The following DNAH5 variants were observed in gnomAD, a reference collection of about 807,000 sequenced individuals.
The protein encoded by DNAH5 is axonemal beta dynein heavy chain 5.
In DNAH5, 372 loss-of-function variants were observed where a neutral mutation model predicts 518.2. The ratio of observed to expected loss-of-function variants is 0.72; its 90% CI spans 0.66 to 0.78. The LOEUF (loss-of-function observed/expected upper bound fraction) is 0.78. Among genes scored for constraint, DNAH5 ranks in the 30% least tolerant of loss-of-function variants. DNAH5 has a pLI of 0.00. For synonymous variants in DNAH5, 2,039 were observed against 2,025.9 expected, an observed-to-expected ratio of 1.01 and a Z score of -0.17; for missense variants, 5,523 against 5,687.0, an observed-to-expected ratio of 0.97 and a Z score of 0.93.
chr5:13,768,391 C>T (rs1454838997), intron 58 of DNAH5, among the ~76,000 whole-genome samples: 1 of 152,184 alleles, frequency 6.6e-6, no homozygotes, highest in Non-Finnish European at 1.5e-5. Context: ...CCCAGCCATG[C>T]GGAACTCTGA....
chr5:13,822,526 CAGG>C (rs1450078439), intron 40 of DNAH5, among the ~76,000 whole-genome samples: 1 of 151,762 alleles, frequency 6.6e-6, no homozygotes, highest in Non-Finnish European at 1.5e-5. Context: ...GCAGGGATTA[CAGG>C]CATGAGCCAC....
intron 62 of DNAH5, among the ~76,000 whole-genome samples, chr5:13,754,002 C>T (rs1750630186): frequency 2.0e-5 from 3 of 151,474 alleles, no homozygotes; most frequent in Admixed American, 1.3e-4. Context: ...GCTGGAGGCA[C>T]ACACACACAC....
intron 17 of DNAH5, among the ~76,000 whole-genome samples, chr5:13,887,466 C>A (rs750240524): frequency 6.6e-6 from 1 of 152,136 alleles, no homozygotes; most frequent in African/African-American, 2.4e-5. Context: ...ATGAAAGATG[C>A]TGCCTCCACT....
rs538756794 is a variant in DNAH5 at position 13,766,178 on chromosome 5, G to A, written c.9899C>T (p.Thr3300Ile). ...ALEEAEAALQ[T>I]IRPSDIATVR... ...AGTGGCGATGTCCGAAGGCCTGATG[G>A]TCTGGGGGATGAAAGGAACGATCAC... Residue 3300 changes from threonine to isoleucine, a missense_variant and splice_region_variant, in exon 59 of 79, where the codon ACC (threonine) becomes ATC (isoleucine). By Grantham distance (89) the Thr-to-Ile change is moderately conservative. Coordinates refer to ENST00000265104, the MANE Select transcript of DNAH5 (RefSeq NM_001369.3). 43 of 1,614,184 alleles carry A rather than the reference G, an allele frequency of 2.7e-5. No individual in the cohort carries two copies. The South Asian group carries it at 4.5e-4, about 17-fold the overall frequency.
intron 45 of DNAH5, 129 bp downstream of exon 45, chr5:13,809,930 C>T (rs1189651986): frequency 2.4e-5 from 23 of 963,702 alleles, no homozygotes; most frequent in Admixed American, 1.0e-4. Flanking sequence ...TCTTCACACA[C>T]GAACGTTTTC....
At chr5:13,705,055 G>A (rs1232942998) in intron 76 of DNAH5, among the ~76,000 whole-genome samples, 1 of 151,662 alleles carries the variant, frequency 6.6e-6, no homozygotes, top group Non-Finnish European at 1.5e-5. Context: ...GCAGTGGTGC[G>A]ACCTTGGCTC....
At chr5:13,824,445 T>G (rs931542511) in intron 38 of DNAH5, 112 bp from the exon 39 acceptor site, 24 of 1,059,868 alleles carry the variant, frequency 2.3e-5, no homozygotes, top group Admixed American at 5.6e-5. Flanking sequence ...TGATTTTCCT[T>G]CAGAAAATGC....
At chr5:13,839,312 G>T (rs200080299) in intron 35 of DNAH5, 44 bp downstream of exon 35, 1 of 1,590,744 alleles carries the variant, frequency 6.3e-7, no homozygotes, top group South Asian at 1.1e-5. Context: ...TGAGCAACTC[G>T]AGAGAATAAA....
At chr5:13,759,122 T>A in intron 60 of DNAH5, 139 bp from the exon 61 acceptor site, 3 of 1,148,448 alleles carry the variant, frequency 2.6e-6, no homozygotes, top group Non-Finnish European at 3.9e-6. Context: ...CAAATCACAT[T>A]AAGTCCTGAA....
Position 13,829,547 on chromosome 5 carries a change from G to A in DNAH5, c.6407C>T (p.Thr2136Met), listed in dbSNP as rs140690090. The change falls in exon 38 of 79, where the codon ACG becomes ATG. Residue 2136 changes from threonine (T) to methionine (M), a missense_variant. Thr to Met is a moderately conservative substitution (Grantham distance 81, BLOSUM62 -1). Transcript: ENST00000265104. ...CTGCTCCTCACACAGTTTGTAGAGC[G>A]TGAAAAACTTCCTGGCCAAAACAAC... ...DNVVLARKFF[T>M]LYKLCEEQLS... The A allele has an allele frequency of 9.9e-5, 160 of 1,614,042 alleles. No individual in the cohort carries two copies. Among genetic ancestry groups the A allele is most frequent in the Middle Eastern group, 4.9e-4 (3 of 6,084 alleles).
intron 9 of DNAH5, 26 bp downstream of exon 9, chr5:13,916,322 A>C (rs1196737295): frequency 8.1e-7 from 1 of 1,240,108 alleles, no homozygotes; most frequent in South Asian, 1.2e-5. Flanking sequence ...ATACAAATGA[A>C]CATGGACTCT....
At chr5:13,975,972 T>C (rs1369620081) in intron 1 of DNAH5, among the ~76,000 whole-genome samples, 2 of 152,282 alleles carry the variant, frequency 1.3e-5, no homozygotes, top group East Asian at 3.9e-4. Context: ...GGAGTTCAAG[T>C]CTGCATTAAT....
At chr5:13,915,212 G>T (rs1173872517) in intron 9 of DNAH5, among the ~76,000 whole-genome samples, 2 of 152,042 alleles carry the variant, frequency 1.3e-5, no homozygotes, top group East Asian at 3.9e-4. Context: ...CTGTATCCAT[G>T]GAAAGATATG....
intron 7 of DNAH5, among the ~76,000 whole-genome samples, chr5:13,917,709 TTAGAAA>T (rs1166700600): frequency 6.6e-6 from 1 of 152,178 alleles, no homozygotes; most frequent in Admixed American, 6.5e-5. Flanking sequence ...AGCTAGGAAC[TTAGAAA>T]TGGAAAGATA....
intron 65 of DNAH5, among the ~76,000 whole-genome samples, chr5:13,747,800 T>C (rs963076471): frequency 6.6e-6 from 1 of 152,164 alleles, no homozygotes; most frequent in Non-Finnish European, 1.5e-5. Context: ...GTCAGATGAG[T>C]AGATTGCAAA....
chr5:13,788,757 G>A lies in DNAH5; in HGVS notation c.8606C>T (p.Thr2869Ile). The change falls in exon 51 of 79, where the codon ACA becomes ATA. Residue 2869 changes from threonine (T) to isoleucine (I), a missense_variant. Thr to Ile is a moderately conservative substitution (Grantham distance 89). Transcript: ENST00000265104. Reference protein sequence around the residue: ...KKLLVDCGIDTYFVDFLRDAP... With the variant: ...KKLLVDCGIDIYFVDFLRDAP... ...ATCTCTCAAGAAATCCACAAAATAT[G>A]TGTCAATTCCACAATCCACCAAGAG... The A allele has an allele frequency of 6.2e-7, 1 of 1,614,042 alleles. No homozygotes were observed. The highest frequency in any genetic ancestry group is 8.5e-7 in the Non-Finnish European group (1 of 1,179,996).
chr5:13,862,841 C>CATAT, intron 28 of DNAH5, 94 bp from the exon 29 acceptor site: 2 of 315,488 alleles, frequency 6.3e-6, no homozygotes, highest in Admixed American at 4.8e-5. Flanking sequence ...CTATTTGCTT[C>CATAT]ATATATATAT....
intron 46 of DNAH5, 91 bp from the exon 47 acceptor site, chr5:13,807,816 C>A: frequency 9.2e-7 from 1 of 1,085,734 alleles, no homozygotes; most frequent in Non-Finnish European, 1.4e-6. Flanking sequence ...GCTGAATCTT[C>A]AACCCCTAGT....
At chr5:13,848,930 T>C (rs771019567) in intron 31 of DNAH5, among the ~76,000 whole-genome samples, 13 of 152,206 alleles carry the variant, frequency 8.5e-5, no homozygotes, top group Non-Finnish European at 1.2e-4. Flanking sequence ...CTCTATAGCA[T>C]AGGCCTTTGA....
Sources: gnomAD v4.1 joint callset for allele counts (sites outside exome capture counted in the v4.1 genomes callset) on GRCh38, gnomAD v4.1.1 for gene constraint, MANE v1.5 for transcripts, NCBI Gene and HGNC (gene_info 2026-07-23, HGNC 2026-07-21) for gene names.